LINGO3: variants seen among roughly 807,000 people sequenced by gnomAD.
LINGO3 encodes the protein leucine-rich repeat and immunoglobulin-like domain-containing nogo receptor-interacting protein 3.
For synonymous variants in LINGO3, 427 were observed against 444.2 expected (o/e 0.96, Z 0.49); for missense variants, 750 against 867.7 (o/e 0.86, Z 1.70).
At chr19:2,291,542 C>G in exon 1 of LINGO3, 2 of 1,600,126 alleles carry the variant, frequency 1.2e-6, no homozygotes, top group South Asian at 2.2e-5. Context: ...TCCTCCAGCG[C>G]GGGCAGCGCG....
At chr19:2,305,691 G>A in the LINGO3 span, among the ~76,000 whole-genome samples, 1 of 152,182 alleles carries the variant, frequency 6.6e-6, no homozygotes, top group Admixed American at 6.5e-5. Flanking sequence ...AAGTGTGGTA[G>A]CGGTCCCCTC....
At chr19:2,292,790 G>A (rs1001956761), upstream of LINGO3, among the ~76,000 whole-genome samples, 1 of 151,450 alleles carries the variant, frequency 6.6e-6, no homozygotes, top group African/African-American at 2.4e-5. Flanking sequence ...GCGCCCACCC[G>A]CTCCTGGGTG....
upstream of LINGO3, among the ~76,000 whole-genome samples, chr19:2,293,298 T>C (rs2025543904): frequency 6.6e-6 from 1 of 151,428 alleles, no homozygotes; most frequent in Non-Finnish European, 1.5e-5. Flanking sequence ...TCTCCTGACC[T>C]CGTGATCCAC....
chr19:2,306,866 C>T, the LINGO3 span, among the ~76,000 whole-genome samples: 21 of 152,254 alleles, frequency 1.4e-4, no homozygotes, highest in East Asian at 3.5e-3. Context: ...ATCCTGTCTC[C>T]GACGATGGCT....
upstream of LINGO3, among the ~76,000 whole-genome samples, chr19:2,294,460 C>T (rs1222262636): frequency 1.3e-5 from 2 of 152,142 alleles, no homozygotes; most frequent in Non-Finnish European, 2.9e-5. This position sits in a 1 kb window ranked among gnomAD's most constrained non-coding sequence, Gnocchi z 4.3. Flanking sequence ...GGGTTTGTGG[C>T]GCCGTGTTCT....
chr19:2,289,962 G>A, exon 1 of LINGO3: 1 of 1,452,852 alleles, frequency 6.9e-7, no homozygotes, highest in Non-Finnish European at 9.2e-7. Flanking sequence ...GCCGGCCCGC[G>A]GGGGAGGGGA....
chr19:2,307,665 AGACCCGGCTC>A, the LINGO3 span, among the ~76,000 whole-genome samples: 1 of 152,224 alleles, frequency 6.6e-6, no homozygotes, highest in Non-Finnish European at 1.5e-5. Context: ...AGGCTGGACC[AGACCCGGCTC>A]GGGGGAGACA....
chr19:2,291,264 C>G (rs1423863755), exon 1 of LINGO3: 6 of 1,612,118 alleles, frequency 3.7e-6, no homozygotes, highest in Non-Finnish European at 5.1e-6. Context: ...CCAGCAGCCC[C>G]GCGAAGGCGC....
chr19:2,299,538 C>A, the LINGO3 span, among the ~76,000 whole-genome samples: 1 of 151,328 alleles, frequency 6.6e-6, no homozygotes, highest in East Asian at 1.9e-4. Flanking sequence ...ATTCTCCTGC[C>A]TCAGCCTGCC....
chr19:2,289,152 T>C (rs2025492121), downstream of LINGO3, among the ~76,000 whole-genome samples: 3 of 150,380 alleles, frequency 2.0e-5, no homozygotes, highest in Admixed American at 2.0e-4. Flanking sequence ...GCGTATGAGC[T>C]GTGTGTCCCG....
chr19:2,302,668 C>G, the LINGO3 span, among the ~76,000 whole-genome samples: 2 of 152,252 alleles, frequency 1.3e-5, no homozygotes, highest in Non-Finnish European at 2.9e-5. Context: ...TCTCGGGAGT[C>G]TGGGGGAGCG....
At chr19:2,299,111 C>G in the LINGO3 span, among the ~76,000 whole-genome samples, 6 of 152,224 alleles carry the variant, frequency 3.9e-5, no homozygotes, top group Non-Finnish European at 8.8e-5. Context: ...GATGAGAGGA[C>G]AGCTGATCCC....
At chr19:2,302,847 T>C in the LINGO3 span, among the ~76,000 whole-genome samples, 13 of 152,194 alleles carry the variant, frequency 8.5e-5, no homozygotes, top group African/African-American at 3.1e-4. Flanking sequence ...CCTGAACAGG[T>C]GGGGGTGGTC....
the LINGO3 span, among the ~76,000 whole-genome samples, chr19:2,298,470 G>A: frequency 6.6e-6 from 1 of 151,248 alleles, no homozygotes; most frequent in South Asian, 2.1e-4. Context: ...GGGCTGAAGT[G>A]ATCCACCTGC....
At chr19:2,296,385 C>CG (rs1568413504), upstream of LINGO3, among the ~76,000 whole-genome samples, 2 of 152,070 alleles carry the variant, frequency 1.3e-5, no homozygotes, top group Non-Finnish European at 2.9e-5. Context: ...GAGGCCAAGG[C>CG]GGGGGGATCA....
chr19:2,301,002 A>G, the LINGO3 span, among the ~76,000 whole-genome samples: 1 of 150,558 alleles, frequency 6.6e-6, no homozygotes, highest in Non-Finnish European at 1.5e-5. Flanking sequence ...CCCAGACTTT[A>G]CCAAATGTCC....
the LINGO3 span, among the ~76,000 whole-genome samples, chr19:2,302,872 C>G: frequency 5.9e-5 from 9 of 152,316 alleles, no homozygotes; most frequent in African/African-American, 2.2e-4. Context: ...TGCTGGCCCC[C>G]GCCATGCGAT....
the LINGO3 span, among the ~76,000 whole-genome samples, chr19:2,303,463 A>AG: frequency 2.0e-5 from 3 of 150,388 alleles, no homozygotes; most frequent in Non-Finnish European, 4.4e-5. Flanking sequence ...GGTACAGCTA[A>AG]GCGAGGGGCG....
At chr19:2,287,178 G>A (rs572711333), downstream of LINGO3, among the ~76,000 whole-genome samples, 4 of 152,168 alleles carry the variant, frequency 2.6e-5, no homozygotes, top group South Asian at 2.1e-4. The surrounding 1 kb of genome is among the most constrained non-coding windows in gnomAD (Gnocchi z 4.5). Flanking sequence ...TTATTAAATC[G>A]GTTCCATTTT....
Sources: allele counts gnomAD v4.1 joint callset (sites outside exome capture counted in the v4.1 genomes callset), GRCh38; gene constraint gnomAD v4.1.1; non-coding constraint Gnocchi (gnomAD v3.1); transcripts MANE v1.5; gene names NCBI Gene and HGNC (gene_info 2026-07-23, HGNC 2026-07-21).